FSTL4: variants seen among roughly 807,000 people sequenced by gnomAD.
FSTL4 encodes the protein follistatin-related protein 4.
In FSTL4, 28 loss-of-function variants were observed where a neutral mutation model predicts 78.2. That is an observed-to-expected ratio of 0.36 (90% CI 0.27 to 0.49). FSTL4 has a LOEUF of 0.49. FSTL4 is among the 20% of genes least tolerant of loss of function. FSTL4 has a pLI of 0.98. For synonymous variants in FSTL4, 422 were observed against 440.5 expected (o/e 0.96, Z 0.53); for missense variants, 922 against 1,084.9 (o/e 0.85, Z 2.11).
chr5:133,547,594 G>A (rs946275283), intron 3 of FSTL4, among the ~76,000 whole-genome samples: 1 of 152,094 alleles, frequency 6.6e-6, no homozygotes, highest in African/African-American at 2.4e-5. Flanking sequence ...TACAGGACTG[G>A]GTTAATTCTT....
intron 3 of FSTL4, among the ~76,000 whole-genome samples, chr5:133,436,423 G>A (rs1757033139): frequency 6.6e-6 from 1 of 152,154 alleles, no homozygotes; most frequent in Non-Finnish European, 1.5e-5. Context: ...GTTAGGCATG[G>A]AGAACAAAGA....
At chr5:133,253,176 C>G (rs17166460) in intron 6 of FSTL4, among the ~76,000 whole-genome samples, 22,362 of 152,266 alleles carry the variant, frequency 0.15, 2,403 homozygotes, top group East Asian at 0.45. Flanking sequence ...CCGTTATTTC[C>G]TGGTCAACAA....
the FSTL4 span, among the ~76,000 whole-genome samples, chr5:133,633,182 T>A: frequency 6.8e-6 from 1 of 148,100 alleles, no homozygotes; most frequent in East Asian, 2.0e-4. Flanking sequence ...TTGAGTCTTT[T>A]GTTACATTTG....
intron 6 of FSTL4, among the ~76,000 whole-genome samples, chr5:133,259,533 T>G (rs1446034385): frequency 6.6e-6 from 1 of 150,810 alleles, no homozygotes; most frequent in Non-Finnish European, 1.5e-5. Context: ...TTTTTTTTTT[T>G]TTTGAGGAGG....
At chr5:133,248,070 C>A (rs1003773701) in intron 7 of FSTL4, 1 of 152,256 alleles carries the variant, frequency 6.6e-6, no homozygotes, top group South Asian at 2.1e-4. Context: ...GACCACAGTC[C>A]CTGCCTGAGC....
chr5:133,617,349 C>T (rs10078959), upstream of FSTL4, among the ~76,000 whole-genome samples: 5,766 of 148,418 alleles, frequency 0.039, 181 homozygotes, highest in African/African-American at 0.092. Flanking sequence ...CAAATGATAG[C>T]GAGAAACTGG....
the FSTL4 span, among the ~76,000 whole-genome samples, chr5:133,826,777 C>T: frequency 6.6e-6 from 1 of 152,238 alleles, no homozygotes; most frequent in African/African-American, 2.4e-5. Context: ...ACCTATTCAA[C>T]CTAGTCTATA....
the FSTL4 span, among the ~76,000 whole-genome samples, chr5:133,649,928 CA>C: frequency 0.16 from 23,806 of 146,164 alleles, 1,942 homozygotes; most frequent in Admixed American, 0.26. Context: ...TAATTTATCA[CA>C]AAAAAAAAAA....
chr5:133,284,456 G>A (rs921857606), intron 6 of FSTL4, among the ~76,000 whole-genome samples: 3 of 152,208 alleles, frequency 2.0e-5, no homozygotes, highest in Non-Finnish European at 4.4e-5. Flanking sequence ...GGGAAGGAGT[G>A]GGCAGAGGGC....
the FSTL4 span, among the ~76,000 whole-genome samples, chr5:133,836,422 A>T: frequency 0.89 from 135,608 of 152,186 alleles, 61,657 homozygotes; most frequent in South Asian, 0.99. Flanking sequence ...CAAATTTAAA[A>T]TTTTAATTTC....
chr5:133,593,589 C>T (rs1249702575), intron 2 of FSTL4, among the ~76,000 whole-genome samples: 1 of 152,118 alleles, frequency 6.6e-6, no homozygotes, highest in South Asian at 2.1e-4. Flanking sequence ...ACCTGTGATA[C>T]CAGATCTGCT....
chr5:133,251,012 C>G (rs1010118911), intron 6 of FSTL4, among the ~76,000 whole-genome samples: 2 of 152,172 alleles, frequency 1.3e-5, no homozygotes, highest in African/African-American at 4.8e-5. Flanking sequence ...AAGATGAGCA[C>G]CCAGTGATGG....
intron 3 of FSTL4, among the ~76,000 whole-genome samples, chr5:133,417,029 A>G (rs1756591658): frequency 6.6e-6 from 1 of 152,264 alleles, no homozygotes; most frequent in Non-Finnish European, 1.5e-5. Flanking sequence ...AATTGCGTAC[A>G]CAGAATTCTA....
rs546314982 is a variant in FSTL4 at position 133,555,100 on chromosome 5, T to C, written c.160+12086A>G. 9.2e-5 allele frequency among the ~76,000 whole-genome samples: 14 copies of C among 152,320 alleles called. No individual in the cohort carries two copies. In the South Asian group the frequency reaches 2.5e-3, roughly 27 times the overall value. On this transcript the variant is annotated intron_variant, in intron 3 of 15. Transcript: ENST00000265342. ...ACTGTCATCATTTTAAACCATGAAA[T>C]ATGTCAAGTGATAATTAAACCTCAC... is the stretch of plus-strand genomic sequence containing the variant.
chr5:133,288,333 C>T (rs1753184004), intron 6 of FSTL4, among the ~76,000 whole-genome samples: 1 of 152,160 alleles, frequency 6.6e-6, no homozygotes, highest in Admixed American at 6.5e-5. Context: ...CCGGGGGTCC[C>T]CCATGGTGGG....
the FSTL4 span, among the ~76,000 whole-genome samples, chr5:133,660,288 C>T: frequency 1.3e-5 from 2 of 152,110 alleles, no homozygotes; most frequent in Admixed American, 6.5e-5. Flanking sequence ...GCTTAAAAAG[C>T]AATTACAACA....
chr5:133,253,638 T>C (rs1752315376), intron 6 of FSTL4, among the ~76,000 whole-genome samples: 1 of 152,140 alleles, frequency 6.6e-6, no homozygotes, highest in African/African-American at 2.4e-5. Context: ...CCGATACCCT[T>C]TGAGGACTCC....
At chr5:133,345,343 T>C (rs910736688) in intron 4 of FSTL4, among the ~76,000 whole-genome samples, 3 of 152,194 alleles carry the variant, frequency 2.0e-5, no homozygotes, top group African/African-American at 2.4e-5. Flanking sequence ...GATGGGTAGA[T>C]TGCAAAAATT....
At position 133,210,222 on chromosome 5, in the gene FSTL4, C is replaced by T; in HGVS notation, c.1685G>A (p.Gly562Glu). ...ACTTGGTCGGGACTTGTGCACGTCC[C>T]CCCAGCTCAGGACCCACACTTGGTC... Reference protein sequence around the residue: ...SHDQVWVLSWGDVHKSRPSLQ... With the variant: ...SHDQVWVLSWEDVHKSRPSLQ... Residue 562 changes from glycine to glutamate, a missense_variant, in exon 14 of 16, where the codon GGG (glycine) becomes GAG (glutamate). Physicochemically the swap from Gly to Glu is moderately conservative, Grantham distance 98. Transcript: ENST00000265342. The T allele has an allele frequency of 3.1e-6, 5 of 1,611,660 alleles. No individual in the cohort carries two copies. Among genetic ancestry groups the T allele is most frequent in the Non-Finnish European group, 4.2e-6 (5 of 1,177,874 alleles).
Sources: gnomAD v4.1 joint callset for allele counts (sites outside exome capture counted in the v4.1 genomes callset) on GRCh38, gnomAD v4.1.1 for gene constraint, MANE v1.5 for transcripts, NCBI Gene and HGNC (gene_info 2026-07-23, HGNC 2026-07-21) for gene names.